ATXN7: variants seen among roughly 807,000 people sequenced by gnomAD.
ATXN7 encodes the protein ataxin-7.
In ATXN7, 12 loss-of-function variants were observed where a neutral mutation model predicts 70.5. The ratio of observed to expected loss-of-function variants is 0.17; its 90% CI spans 0.11 to 0.28. ATXN7 has a LOEUF of 0.28. Among genes scored for constraint, ATXN7 ranks in the 10% least tolerant of loss-of-function variants. The probability of loss-of-function intolerance (pLI) is 1.00; values close to 1 mark genes in which losing one functional copy is unlikely to be tolerated. For missense variants in ATXN7, 1,256 were observed against 1,131.7 expected (o/e 1.11, Z -1.58); for synonymous variants, 498 against 448.7 (o/e 1.11, Z -1.39).
intron 6 of ATXN7, among the ~76,000 whole-genome samples, chr3:63,981,023 A>T (rs1403778302): frequency 6.6e-6 from 1 of 152,200 alleles, no homozygotes; most frequent in Non-Finnish European, 1.5e-5. Context: ...TTGTCATGGC[A>T]TCCCTCAGCC....
intron 5 of ATXN7, among the ~76,000 whole-genome samples, chr3:63,957,715 G>T (rs1389316152): frequency 6.6e-6 from 1 of 152,204 alleles, no homozygotes; most frequent in Non-Finnish European, 1.5e-5. Context: ...ATATTATCAG[G>T]AAAATGGAAA....
intron 4 of ATXN7, 123 bp downstream of exon 4, chr3:63,913,348 C>A: frequency 9.5e-7 from 1 of 1,055,102 alleles, no homozygotes; most frequent in East Asian, 2.6e-5. Flanking sequence ...TGCGAAGATG[C>A]TGCCTGAGGA....
At position 63,996,062 on chromosome 3, in the gene ATXN7, C is replaced by G. The variant is rs534917630; in HGVS notation, c.2240C>G (p.Pro747Arg). Residue 747 changes from proline (P) to arginine (R), a missense_variant, in exon 12 of 13, where the codon CCC (proline) becomes CGC (arginine). By Grantham distance (103) the Pro-to-Arg change is moderately radical. Transcript: ENST00000674280. Reference protein sequence around the residue: ...NCVAHSGPPYPSTVTSSHSIG... With the variant: ...NCVAHSGPPYRSTVTSSHSIG... ...GTGGCTCACTCTGGGCCTCCCTACC[C>G]CTCAACGGTAACATCTTCCCATAGC... The G allele has an allele frequency of 3.1e-6, 5 of 1,614,200 alleles. No individual in the cohort carries two copies. The highest frequency in any genetic ancestry group is 1.7e-5 in the Admixed American group (1 of 60,024).
At chr3:63,983,487 A>T (rs1211666395) in intron 8 of ATXN7, among the ~76,000 whole-genome samples, 5 of 145,258 alleles carry the variant, frequency 3.4e-5, no homozygotes, top group Non-Finnish European at 7.7e-5. Flanking sequence ...TTTCTAGTTT[A>T]AAAAAAAAAT....
At chr3:63,961,832 A>C (rs918994901) in intron 5 of ATXN7, among the ~76,000 whole-genome samples, 2 of 152,146 alleles carry the variant, frequency 1.3e-5, no homozygotes, top group Admixed American at 1.3e-4. Context: ...CTATTATAGG[A>C]TTGCCATGCT....
intron 4 of ATXN7, among the ~76,000 whole-genome samples, chr3:63,919,239 G>T (rs1030658032): frequency 3.3e-5 from 5 of 152,160 alleles, no homozygotes; most frequent in Admixed American, 1.3e-4. Flanking sequence ...CTTGTCTGTG[G>T]CTGCTTGCTG....
rs1221113692 is a variant in ATXN7, at chr3:63,988,104, C to G, written c.1141C>G (p.Arg381Gly). ...CAGGGCTGTCCAGGGTAGAAGAAAA[C>G]GATTTGATGTGTTATTAGCCGAGCA... ...QRRAVQGRRK[R>G]FDVLLAEHKN... Residue 381 changes from arginine to glycine, a missense_variant, in exon 9 of 13, where the codon CGA becomes GGA. Transcript: ENST00000674280. The G allele has an allele frequency of 6.2e-7, 1 of 1,614,004 alleles. No homozygotes were observed.
intron 2 of ATXN7, among the ~76,000 whole-genome samples, chr3:63,903,543 G>A (rs1240857872): frequency 6.6e-6 from 1 of 152,072 alleles, no homozygotes; most frequent in Non-Finnish European, 1.5e-5. Context: ...AAGTTGAAAA[G>A]TAACGGCCAC....
chr3:63,968,298 A>C (rs959221896), intron 5 of ATXN7: 1 of 275,160 alleles, frequency 3.6e-6, no homozygotes, highest in African/African-American at 2.1e-5. Flanking sequence ...GCCAAAGTTC[A>C]GATGCAGACG....
At position 63,999,432 on chromosome 3, in the gene ATXN7, C is replaced by G; in HGVS notation, c.2662-18C>G. On this transcript the variant is annotated intron_variant, in intron 12 of 12. Coordinates refer to ENST00000674280, the MANE Select transcript of ATXN7 (RefSeq NM_001377405.1). ...TACTTACCATTTCATTATTTCCCCA[C>G]CCCCTCTTTTTTGAAAGCCAAAGGC... 1 of 1,596,368 alleles carries G rather than the reference C, an allele frequency of 6.3e-7. No individual in the cohort carries two copies. The highest frequency in any genetic ancestry group is 8.6e-7 in the Non-Finnish European group (1 of 1,163,934).
At chr3:63,941,301 G>T (rs1304762916) in intron 4 of ATXN7, among the ~76,000 whole-genome samples, 2 of 152,060 alleles carry the variant, frequency 1.3e-5, no homozygotes, top group Non-Finnish European at 2.9e-5. Context: ...TAGCAGTCAG[G>T]CTATGGGGTG....
At chr3:63,955,702 TGTA>T (rs2106671745) in intron 5 of ATXN7, among the ~76,000 whole-genome samples, 1 of 152,358 alleles carries the variant, frequency 6.6e-6, no homozygotes, top group East Asian at 1.9e-4. Context: ...CAGTGACTGT[TGTA>T]GTCTATTTAC....
chr3:63,878,303 G>T (rs981217075), intron 1 of ATXN7, among the ~76,000 whole-genome samples: 1 of 152,284 alleles, frequency 6.6e-6, no homozygotes, highest in East Asian at 1.9e-4. Flanking sequence ...GGAGGCAGTG[G>T]CATCTCTTTG....
intron 2 of ATXN7, among the ~76,000 whole-genome samples, chr3:63,907,456 CT>C (rs946462374): frequency 0.13 from 14,957 of 116,554 alleles, 443 homozygotes; most frequent in Middle Eastern, 0.16. Context: ...CATTCCTTGT[CT>C]TTTTTTTTTT....
At chr3:63,916,970 A>G (rs1704295556) in intron 4 of ATXN7, among the ~76,000 whole-genome samples, 1 of 152,004 alleles carries the variant, frequency 6.6e-6, no homozygotes, top group Non-Finnish European at 1.5e-5. Context: ...CTGGAGTGCA[A>G]TGGTACAGGC....
At position 63,930,993 on chromosome 3, in the gene ATXN7, A is replaced by G. The variant is rs1223741118; in HGVS notation, c.394+17768A>G. On this transcript the variant is annotated intron_variant, in intron 4 of 12. Transcript: ENST00000674280. ...TGTTGATTGCCGTATGTGGCTTGGG[A>G]GAGTAGAATGATGCTGTTTCAAAGA... Among the ~76,000 whole-genome samples, 9 of 152,250 alleles carry G rather than the reference A, an allele frequency of 5.9e-5. No homozygotes were observed. In the East Asian group the frequency reaches 1.4e-3, roughly 23 times the overall value.
chr3:63,994,535 G>A (rs1201932148), intron 11 of ATXN7, among the ~76,000 whole-genome samples: 8 of 152,114 alleles, frequency 5.3e-5, no homozygotes, highest in Non-Finnish European at 8.8e-5. Context: ...GCGCCTGGCC[G>A]AATGGGATTT....
intron 4 of ATXN7, among the ~76,000 whole-genome samples, chr3:63,924,455 A>G (rs1329301885): frequency 1.3e-5 from 2 of 152,038 alleles, no homozygotes; most frequent in African/African-American, 2.4e-5. Context: ...AGGAGTGTCA[A>G]TAAAGAATCC....
intron 9 of ATXN7, chr3:63,988,577 A>G (rs921306165): frequency 4.3e-6 from 2 of 462,850 alleles, no homozygotes; most frequent in Non-Finnish European, 7.6e-6. Flanking sequence ...GCTGAACATC[A>G]AGTGTCTCAA....
Sources: allele counts gnomAD v4.1 joint callset (sites outside exome capture counted in the v4.1 genomes callset), GRCh38; gene constraint gnomAD v4.1.1; transcripts MANE v1.5; gene names NCBI Gene and HGNC (gene_info 2026-07-23, HGNC 2026-07-21).